CRTAC1: variants seen among roughly 807,000 people sequenced by gnomAD.
The protein encoded by CRTAC1 is acidic secreted protein in cartilage.
CRTAC1 carries 37 observed loss-of-function variants against 67.8 expected under a neutral mutation model. The ratio of observed to expected loss-of-function variants is 0.55; its 90% CI spans 0.42 to 0.72. The LOEUF (loss-of-function observed/expected upper bound fraction) is 0.72. Among genes scored for constraint, CRTAC1 ranks in the 30% least tolerant of loss-of-function variants. The pLI, the probability that CRTAC1 is intolerant of heterozygous loss-of-function variation, is 0.00. For missense variants in CRTAC1, 780 were observed against 931.6 expected (o/e 0.84, Z 2.12); for synonymous variants, 348 against 371.0 (o/e 0.94, Z 0.71).
intron 4 of CRTAC1, among the ~76,000 whole-genome samples, chr10:97,918,151 T>C (rs1420667857): frequency 6.6e-6 from 1 of 152,218 alleles, no homozygotes. Flanking sequence ...CCCGCGCTTC[T>C]TCATTCCTCT....
intron 2 of CRTAC1, among the ~76,000 whole-genome samples, chr10:97,945,513 T>A (rs996748363): frequency 6.6e-6 from 1 of 152,154 alleles, no homozygotes; most frequent in Non-Finnish European, 1.5e-5. Flanking sequence ...GGGAAGACAT[T>A]CAAACAGGAG....
At chr10:98,026,668 C>T (rs373501353) in intron 1 of CRTAC1, among the ~76,000 whole-genome samples, 16 of 152,152 alleles carry the variant, frequency 1.1e-4, no homozygotes, top group African/African-American at 3.9e-4. Flanking sequence ...CCAACTTCAT[C>T]TTCTGTGAGC....
chr10:97,925,283 G>C (rs1035849068), intron 3 of CRTAC1, among the ~76,000 whole-genome samples: 3 of 152,140 alleles, frequency 2.0e-5, no homozygotes, highest in Non-Finnish European at 2.9e-5. Context: ...AAAAAGAAAA[G>C]GGTATGAGTA....
At chr10:97,911,476 A>C (rs1188194895) in intron 5 of CRTAC1, among the ~76,000 whole-genome samples, 1 of 152,196 alleles carries the variant, frequency 6.6e-6, no homozygotes, top group African/African-American at 2.4e-5. Context: ...GATGTTACCC[A>C]CACCTCCTTC....
At chr10:97,918,563 GT>G (rs1178413587) in intron 4 of CRTAC1, among the ~76,000 whole-genome samples, 1 of 152,156 alleles carries the variant, frequency 6.6e-6, no homozygotes, top group African/African-American at 2.4e-5. Flanking sequence ...CAAGTGCTGT[GT>G]TAAAAATGTA....
At chr10:97,878,164 G>A (rs1041508172) in intron 14 of CRTAC1, among the ~76,000 whole-genome samples, 5 of 152,200 alleles carry the variant, frequency 3.3e-5, no homozygotes, top group Non-Finnish European at 7.3e-5. Context: ...GGGAGCAGTG[G>A]GCTCCATGAC....
chr10:98,002,088 G>A (rs764040776), intron 2 of CRTAC1, among the ~76,000 whole-genome samples: 21 of 152,264 alleles, frequency 1.4e-4, no homozygotes, highest in Non-Finnish European at 2.5e-4. Flanking sequence ...CCTGCAGTAG[G>A]GCCCGCGGGA....
intron 2 of CRTAC1, among the ~76,000 whole-genome samples, chr10:97,962,233 T>A (rs1046422735): frequency 1.3e-5 from 2 of 152,270 alleles, no homozygotes; most frequent in South Asian, 4.1e-4. Context: ...GGTGAGCAGA[T>A]CTGAAGCAGC....
At chr10:97,884,540 G>C (rs2050255655) in intron 11 of CRTAC1, 189 bp from the exon 12 acceptor site, 1 of 603,896 alleles carries the variant, frequency 1.7e-6, no homozygotes, top group South Asian at 2.1e-5. Flanking sequence ...CAATAGACCT[G>C]TCTGTCTGCA....
Position 97,998,708 on chromosome 10 carries a change from TA to T in CRTAC1, c.224+12429del, listed in dbSNP as rs549689318. On this transcript the variant is annotated intron_variant, in intron 2 of 14. Coordinates refer to ENST00000370597, the MANE Select transcript of CRTAC1 (RefSeq NM_018058.7). ...GAAGGAAAAATGAGCAATAAAATGG[TA>T]AAAAAAAAATGTAAAAACATTGTCT... is the stretch of plus-strand genomic sequence containing the variant. Among the ~76,000 whole-genome samples the T allele has an allele frequency of 5.4e-3, 802 of 149,032 alleles. 7 individuals are homozygous for T. The highest frequency in any genetic ancestry group is 4.2e-3 in the Non-Finnish European group (283 of 66,980).
At chr10:97,945,527 C>T (rs2051250734) in intron 2 of CRTAC1, among the ~76,000 whole-genome samples, 1 of 152,018 alleles carries the variant, frequency 6.6e-6, no homozygotes, top group South Asian at 2.1e-4. Context: ...ACAGGAGATT[C>T]ACAGAATGTA....
At chr10:97,923,987 T>A (rs545507609) in intron 3 of CRTAC1, among the ~76,000 whole-genome samples, 5 of 152,190 alleles carry the variant, frequency 3.3e-5, no homozygotes, top group Admixed American at 2.0e-4. Flanking sequence ...AGGCCCCTGG[T>A]CCCAGGACTG....
intron 1 of CRTAC1, among the ~76,000 whole-genome samples, chr10:98,019,538 C>T (rs1843074631): frequency 6.6e-6 from 1 of 152,232 alleles, no homozygotes; most frequent in Non-Finnish European, 1.5e-5. Context: ...AAAATGTCAA[C>T]AGTGCTGAGA....
At chr10:98,027,894 C>T (rs1402521669) in intron 1 of CRTAC1, among the ~76,000 whole-genome samples, 1 of 152,204 alleles carries the variant, frequency 6.6e-6, no homozygotes, top group East Asian at 1.9e-4. Context: ...CAGTGGGAAT[C>T]CTAGGGCCTA....
rs1456658966 is a variant in CRTAC1 at position 97,975,996 on chromosome 10, G to GA, written c.224+35141dup. ...CACTGACGTGGAGCCCCCAAACCCAGAGGAAGAGAGACAGCTTAGCTGCCT... is the reference window on the plus strand; with the variant it reads ...CACTGACGTGGAGCCCCCAAACCCAGAAGGAAGAGAGACAGCTTAGCTGCCT... On this transcript the variant is annotated intron_variant, in intron 2 of 14. Transcript: ENST00000370597. The surrounding 1 kb of genome is among the most constrained non-coding windows in gnomAD (Gnocchi z 4.8). 6.6e-6 allele frequency among the ~76,000 whole-genome samples: 1 copy of GA among 152,138 alleles called. No individual in the cohort carries two copies. The highest frequency in any genetic ancestry group is 1.5e-5 in the Non-Finnish European group (1 of 68,038).
At chr10:97,927,332 C>G (rs1009446068) in intron 3 of CRTAC1, among the ~76,000 whole-genome samples, 11 of 152,240 alleles carry the variant, frequency 7.2e-5, no homozygotes, top group African/African-American at 2.7e-4. Context: ...TCACCCACCT[C>G]TTGGAGATTC....
In CRTAC1 at chr10:97,880,389, G is replaced by A. The variant is rs777468696; in HGVS notation, c.1679C>T (p.Thr560Ile). The A allele has an allele frequency of 6.2e-7, 1 of 1,613,444 alleles. No homozygotes were observed. The highest frequency in any genetic ancestry group is 1.7e-5 in the Admixed American group (1 of 60,014). Residue 560 changes from threonine (T) to isoleucine (I), a missense_variant, in exon 14 of 15, where the codon ACC becomes ATC. Thr to Ile is a moderately conservative substitution (Grantham distance 89). Coordinates refer to ENST00000370597, the MANE Select transcript of CRTAC1 (RefSeq NM_018058.7). The stretch of plus-strand genomic sequence containing the variant: ...GAATGGGAACTGGATGCATTCATTG[G>A]TGTCTGCAAGGCGAGGGGAACCACT... ...SQQENGHCMD[T>I]NECIQFPFVC...
At chr10:97,940,706 G>C (rs569751739) in intron 2 of CRTAC1, among the ~76,000 whole-genome samples, 1 of 152,334 alleles carries the variant, frequency 6.6e-6, no homozygotes, top group South Asian at 2.1e-4. Flanking sequence ...CCCCAAGCTT[G>C]TCCCTCGGTT....
intron 2 of CRTAC1, among the ~76,000 whole-genome samples, chr10:97,965,726 T>C (rs1371274456): frequency 1.3e-5 from 2 of 152,272 alleles, no homozygotes; most frequent in Non-Finnish European, 2.9e-5. Context: ...ACATGTGTAA[T>C]GAACTGAAGG....
Sources: gnomAD v4.1 joint callset for allele counts (sites outside exome capture counted in the v4.1 genomes callset) on GRCh38, gnomAD v4.1.1 for gene constraint, Gnocchi (gnomAD v3.1) non-coding constraint, MANE v1.5 for transcripts, NCBI Gene and HGNC (gene_info 2026-07-23, HGNC 2026-07-21) for gene names.